The following SPIRE1 variants were observed in gnomAD, a reference collection of about 807,000 sequenced individuals.
SPIRE1 encodes spire type actin nucleation factor 1.
A neutral mutation model predicts 94.1 loss-of-function variants in SPIRE1; 40 were observed. That is an observed-to-expected ratio of 0.43 (90% CI 0.33 to 0.55). SPIRE1 has a LOEUF of 0.55. Among genes scored for constraint, SPIRE1 ranks in the 20% least tolerant of loss-of-function variants. The pLI is 0.06. For missense variants in SPIRE1, 838 were observed against 975.2 expected (o/e 0.86, Z 1.87); for synonymous variants, 376 against 371.7 (o/e 1.01, Z -0.13).
chr18:12,602,865 A>G (rs1215020641), intron 2 of SPIRE1, among the ~76,000 whole-genome samples: 1 of 152,218 alleles, frequency 6.6e-6, no homozygotes, highest in African/African-American at 2.4e-5. Flanking sequence ...CAATCCACCC[A>G]TAAGAATGGT....
At chr18:12,534,595 G>GTC (rs554020583) in intron 4 of SPIRE1, among the ~76,000 whole-genome samples, 2,281 of 151,966 alleles carry the variant, frequency 0.015, 16 homozygotes, top group Middle Eastern at 0.027. Flanking sequence ...AGGAAAATTG[G>GTC]TCTCTCTCTC....
chr18:12,626,337 C>A (rs541643083), intron 2 of SPIRE1, among the ~76,000 whole-genome samples: 1 of 152,220 alleles, frequency 6.6e-6, no homozygotes, highest in South Asian at 2.1e-4. Flanking sequence ...TCTGGGTCCC[C>A]TAAAGCAGAT....
At position 12,452,520 on chromosome 18, in the gene SPIRE1, C is replaced by A. The variant is rs566343540; in HGVS notation, c.1848-8G>T. On this transcript the variant is annotated splice_region_variant and splice_polypyrimidine_tract_variant and intron_variant, in intron 14 of 16. Coordinates refer to ENST00000409402, the MANE Select transcript of SPIRE1 (RefSeq NM_001128626.2). ...CACTGTGAGCACACCGGCCTGTAAA[C>A]AAAATCATAAATGTTATTTGGCATG... 28 of 1,613,812 alleles carry A rather than the reference C, an allele frequency of 1.7e-5. 1 individual carries two copies. In the South Asian group the frequency reaches 1.9e-4, roughly 11 times the overall value.
At chr18:12,623,532 A>G (rs971513189) in intron 2 of SPIRE1, among the ~76,000 whole-genome samples, 3 of 152,190 alleles carry the variant, frequency 2.0e-5, no homozygotes, top group Non-Finnish European at 4.4e-5. Flanking sequence ...TCCCACACAG[A>G]TCCCATCCGC....
At chr18:12,635,193 G>T in intron 1 of SPIRE1, 97 bp from the exon 2 acceptor site, 1 of 639,336 alleles carries the variant, frequency 1.6e-6, no homozygotes, top group Non-Finnish European at 2.7e-6. Flanking sequence ...GCTTTATTAT[G>T]TCTATGAGAA....
intron 1 of SPIRE1, among the ~76,000 whole-genome samples, chr18:12,651,546 C>T (rs978624321): frequency 2.0e-5 from 3 of 151,700 alleles, no homozygotes; most frequent in Non-Finnish European, 2.9e-5. Flanking sequence ...TGGTGGCGGG[C>T]GCCTGTAGTC....
intron 2 of SPIRE1, among the ~76,000 whole-genome samples, chr18:12,633,869 T>C (rs559977733): frequency 2.0e-5 from 3 of 152,296 alleles, no homozygotes; most frequent in African/African-American, 7.2e-5. Flanking sequence ...ACCTGGTATT[T>C]CAGTATTATG....
At chr18:12,465,856 C>T (rs980510653) in intron 10 of SPIRE1, among the ~76,000 whole-genome samples, 21 of 152,124 alleles carry the variant, frequency 1.4e-4, no homozygotes, top group Admixed American at 7.2e-4. Flanking sequence ...GAGGCCAAGA[C>T]GGGCAGATCA....
chr18:12,624,672 TA>T (rs1598550112), intron 2 of SPIRE1, among the ~76,000 whole-genome samples: 3 of 150,690 alleles, frequency 2.0e-5, no homozygotes, highest in Admixed American at 1.3e-4. Context: ...CCATCTCTAC[TA>T]AAAATACAAA....
At position 12,447,426 on chromosome 18, in the gene SPIRE1, G is replaced by C. The variant is rs910817862; in HGVS notation, c.*2212C>G. 1 of 149,360 alleles carries C rather than the reference G, an allele frequency of 6.7e-6. No individual in the cohort carries two copies. The highest frequency in any genetic ancestry group is 1.5e-5 in the Non-Finnish European group (1 of 67,260). The allele number at this position is 149,360 out of a possible 1,614,324, so 9.3% of individuals were successfully genotyped here. A position where few individuals can be genotyped will look rare whatever the true frequency, so the allele number is the denominator to read the frequency against. ...ATGTAGCTGACGTGAAGTGTGGAGG[G>C]GGGTGGTAGAAAGGGGGGTTAAATG... On this transcript the variant is annotated 3_prime_UTR_variant, in exon 17 of 17. Coordinates refer to ENST00000409402, the MANE Select transcript of SPIRE1 (RefSeq NM_001128626.2).
At chr18:12,536,578 G>T (rs1479705168) in intron 3 of SPIRE1, among the ~76,000 whole-genome samples, 1 of 152,090 alleles carries the variant, frequency 6.6e-6, no homozygotes, top group East Asian at 1.9e-4. Flanking sequence ...CAGTAGATGG[G>T]GAGTGGAGGA....
chr18:12,555,996 C>CAA (rs1567930997), intron 2 of SPIRE1, among the ~76,000 whole-genome samples: 1 of 151,676 alleles, frequency 6.6e-6, no homozygotes, highest in Non-Finnish European at 1.5e-5. Context: ...AATCAACATA[C>CAA]AAAAATCAGT....
chr18:12,658,129 C>T (rs1487020576), upstream of SPIRE1: 4 of 951,474 alleles, frequency 4.2e-6, no homozygotes, highest in Non-Finnish European at 5.0e-6. Flanking sequence ...CCGCCCCGCC[C>T]CGCCTCGCGC....
At chr18:12,634,261 A>T (rs1304026396) in intron 2 of SPIRE1, among the ~76,000 whole-genome samples, 973 of 59,206 alleles carry the variant, frequency 0.016, 9 homozygotes, top group South Asian at 0.06. Flanking sequence ...ATAAAAATAA[A>T]AAAAAAAAAA....
chr18:12,657,903 G>A lies in SPIRE1; in HGVS notation c.-37C>T. 1 of 1,030,360 alleles carries A rather than the reference G, an allele frequency of 9.7e-7. No homozygotes were observed. Among genetic ancestry groups the A allele is most frequent in the Non-Finnish European group, 1.2e-6 (1 of 862,098 alleles). The allele number at this position is 1,030,360 out of a possible 1,614,324, so 63.8% of individuals were successfully genotyped here. On this transcript the variant is annotated 5_prime_UTR_variant, in exon 1 of 17. Transcript: ENST00000409402. ...GCGCTGCGCTCGGCAGTCGCGCCGT[G>A]TGCCGGCGTCTCCTCAGCTCCGGAG...
At chr18:12,591,960 C>T (rs906041364) in intron 2 of SPIRE1, among the ~76,000 whole-genome samples, 1 of 105,392 alleles carries the variant, frequency 9.5e-6, no homozygotes, top group Non-Finnish European at 1.7e-5. Context: ...CAGAGCAAGA[C>T]TCCATCTCAA....
At chr18:12,625,707 T>C (rs1013055983) in intron 2 of SPIRE1, among the ~76,000 whole-genome samples, 3 of 152,226 alleles carry the variant, frequency 2.0e-5, no homozygotes, top group African/African-American at 4.8e-5. Flanking sequence ...TTGGATTTTT[T>C]AGTTACTTTT....
At chr18:12,515,898 G>A (rs2144058800) in intron 4 of SPIRE1, among the ~76,000 whole-genome samples, 1 of 152,232 alleles carries the variant, frequency 6.6e-6, no homozygotes, top group East Asian at 1.9e-4. Context: ...ATTTCCCTCT[G>A]CTCAATCCTG....
intron 11 of SPIRE1, 57 bp downstream of exon 11, chr18:12,464,811 C>A: frequency 6.9e-7 from 1 of 1,445,634 alleles, no homozygotes; most frequent in South Asian, 1.2e-5. Context: ...TGCTCTAGGT[C>A]AAGTGTGTTT....
Sources: allele counts gnomAD v4.1 joint callset (sites outside exome capture counted in the v4.1 genomes callset), GRCh38; gene constraint gnomAD v4.1.1; transcripts MANE v1.5; gene names NCBI Gene and HGNC (gene_info 2026-07-23, HGNC 2026-07-21).